Variants in UNC79 observed in about 807,000 individuals in gnomAD.
The protein encoded by UNC79 is unc-79 subunit of NALCN channel complex.
UNC79 carries 37 observed loss-of-function variants against 283.1 expected under a neutral mutation model. The observed-to-expected ratio is 0.13, with a 90% confidence interval of 0.10 to 0.17. The LOEUF is 0.17. Ranked by LOEUF, UNC79 falls within the 10% of genes least tolerant of loss-of-function variation. UNC79 has a pLI of 1.00. For synonymous variants in UNC79, 1,107 were observed against 1,200.2 expected, an observed-to-expected ratio of 0.92 and a Z score of 1.61; for missense variants, 2,272 against 3,211.1, an observed-to-expected ratio of 0.71 and a Z score of 7.07.
chr14:93,588,149 A>C (rs1160545951), intron 22 of UNC79, among the ~76,000 whole-genome samples: 2 of 152,158 alleles, frequency 1.3e-5, no homozygotes, highest in African/African-American at 4.8e-5. Context: ...CTGGAGAAGT[A>C]GGTTGGGACC....
chr14:93,665,544 TA>T (rs2072097256), intron 40 of UNC79, among the ~76,000 whole-genome samples: 1 of 152,016 alleles, frequency 6.6e-6, no homozygotes, highest in Non-Finnish European at 1.5e-5. Flanking sequence ...GCCCTGAAAG[TA>T]TTATAAATAA....
At chr14:93,581,575 C>T (rs1387875418) in intron 19 of UNC79, among the ~76,000 whole-genome samples, 1 of 146,350 alleles carries the variant, frequency 6.8e-6, no homozygotes, top group Admixed American at 7.0e-5. Flanking sequence ...CTCACTGCAA[C>T]CTCTGCCTCC....
intron 1 of UNC79, chr14:93,347,329 G>T: frequency 6.2e-7 from 1 of 1,602,728 alleles, no homozygotes. Context: ...GGCCCTGCTC[G>T]GCCTGCAGCC....
In UNC79 at chr14:93,625,721, G is replaced by A. The variant is rs553664636; in HGVS notation, c.5608+2880G>A. 7.2e-5 allele frequency among the ~76,000 whole-genome samples: 11 copies of A among 152,136 alleles called. No individual in the cohort carries two copies. The East Asian group carries it at 1.7e-3, about 24-fold the overall frequency. On this transcript the variant is annotated intron_variant, in intron 30 of 48. Coordinates refer to ENST00000555664, the Ensembl canonical transcript of UNC79. ...TTCTCCTTACTCAACTTAAACTCAA[G>A]GCTATCAATGTAATCCCTCCCTGCC...
chr14:93,434,176 G>A (rs1023453537), intron 1 of UNC79, among the ~76,000 whole-genome samples: 1 of 151,582 alleles, frequency 6.6e-6, no homozygotes, highest in Non-Finnish European at 1.5e-5. Context: ...TTGTGCCATT[G>A]CACTCCAGCC....
At chr14:93,691,644 C>T (rs935793906) in intron 45 of UNC79, 105 bp from the exon 49 acceptor site, 6 of 1,177,042 alleles carry the variant, frequency 5.1e-6, no homozygotes, top group Non-Finnish European at 6.3e-6. Context: ...TGCCTTTGTG[C>T]TTCCCCTGTG....
At chr14:93,340,014 A>G (rs2053669663) in intron 1 of UNC79, among the ~76,000 whole-genome samples, 1 of 152,202 alleles carries the variant, frequency 6.6e-6, no homozygotes, top group Admixed American at 6.5e-5. Context: ...AGCATCAAAA[A>G]ATGTTTGACC....
At chr14:93,526,992 G>T (rs2060577481) in intron 8 of UNC79, among the ~76,000 whole-genome samples, 1 of 152,064 alleles carries the variant, frequency 6.6e-6, no homozygotes, top group African/African-American at 2.4e-5. Flanking sequence ...AAGCAAGAAT[G>T]GTATACCAAA....
intron 23 of UNC79, among the ~76,000 whole-genome samples, chr14:93,595,943 A>ATT (rs1490247890): frequency 1.3e-5 from 2 of 152,152 alleles, no homozygotes; most frequent in African/African-American, 4.8e-5. Context: ...ATATATATAT[A>ATT]TTTTAAAATA....
intron 34 of UNC79, 61 bp downstream of exon 37, chr14:93,643,758 C>A (rs1241673821): frequency 6.3e-7 from 1 of 1,579,162 alleles, no homozygotes; most frequent in South Asian, 1.2e-5. Context: ...CTATCTTGAA[C>A]TAAAAACTAC....
At chr14:93,398,938 A>G (rs2055050358) in intron 1 of UNC79, among the ~76,000 whole-genome samples, 1 of 152,134 alleles carries the variant, frequency 6.6e-6, no homozygotes, top group Non-Finnish European at 1.5e-5. Context: ...ATGCTGCTAT[A>G]AAGATACTAC....
chr14:93,493,750 A>G (rs879371317), intron 5 of UNC79, among the ~76,000 whole-genome samples: 11 of 151,722 alleles, frequency 7.3e-5, no homozygotes, highest in Non-Finnish European at 1.3e-4. Context: ...TAGGCTGTAC[A>G]GGAAGCATAG....
chr14:93,574,167 T>C (rs192471126), intron 16 of UNC79, among the ~76,000 whole-genome samples: 2 of 148,904 alleles, frequency 1.3e-5, no homozygotes. Context: ...CCTTACACTG[T>C]GCTCTTTGGG....
At chr14:93,572,647 C>T in intron 15 of UNC79, 46 bp from the exon 16 acceptor site, 2 of 1,609,476 alleles carry the variant, frequency 1.2e-6, no homozygotes, top group Non-Finnish European at 8.5e-7. Flanking sequence ...TAGTAGAACC[C>T]AATCTATGCC....
intron 12 of UNC79, among the ~76,000 whole-genome samples, chr14:93,539,614 G>A (rs1453727839): frequency 6.6e-6 from 1 of 152,112 alleles, no homozygotes; most frequent in Non-Finnish European, 1.5e-5. Context: ...CCCAGTGGCT[G>A]ACACGTAGTA....
chr14:93,643,809 G>A, intron 34 of UNC79, 112 bp downstream of exon 37: 1 of 1,456,894 alleles, frequency 6.9e-7, no homozygotes, highest in African/African-American at 1.4e-5. Context: ...GTAGATACTG[G>A]TATTTGTGAC....
At chr14:93,458,919 A>C (rs1180590953) in intron 1 of UNC79, among the ~76,000 whole-genome samples, 3 of 152,242 alleles carry the variant, frequency 2.0e-5, no homozygotes, top group Non-Finnish European at 4.4e-5. Flanking sequence ...GTTTATAATC[A>C]GTGAAATATT....
chr14:93,530,652 G>A (rs984075912), intron 10 of UNC79, among the ~76,000 whole-genome samples: 8 of 152,004 alleles, frequency 5.3e-5, no homozygotes, highest in African/African-American at 1.7e-4. Context: ...GCTCACGCCT[G>A]TAATCCCAGC....
At chr14:93,351,303 G>A (rs2053976476) in intron 1 of UNC79, among the ~76,000 whole-genome samples, 1 of 152,102 alleles carries the variant, frequency 6.6e-6, no homozygotes, top group African/African-American at 2.4e-5. Flanking sequence ...ATAACTTTGT[G>A]TATTGCTTTT....
Sources: gnomAD v4.1 joint callset for allele counts (sites outside exome capture counted in the v4.1 genomes callset) on GRCh38, gnomAD v4.1.1 for gene constraint, MANE v1.5 for transcripts, NCBI Gene and HGNC (gene_info 2026-07-23, HGNC 2026-07-21) for gene names.